Variants in HIBADH observed in about 807,000 individuals in gnomAD.
The protein encoded by HIBADH is 3-hydroxyisobutyrate dehydrogenase, mitochondrial.
In HIBADH, 25 loss-of-function variants were observed where a neutral mutation model predicts 36.1. The observed-to-expected ratio is 0.69, with a 90% CI of 0.50 to 0.97. The LOEUF is 0.97. HIBADH is among the 50% of genes least tolerant of loss of function. HIBADH has a pLI of 0.00. For synonymous variants in HIBADH, 160 were observed against 149.5 expected (o/e 1.07, Z -0.51); for missense variants, 421 against 418.0 (o/e 1.01, Z -0.06).
At chr7:27,549,437 T>A (rs190842588) in intron 4 of HIBADH, among the ~76,000 whole-genome samples, 326 of 152,246 alleles carry the variant, frequency 2.1e-3, no homozygotes, top group African/African-American at 7.5e-3. Flanking sequence ...ACAAAATCAG[T>A]ATTAAGAATA....
chr7:27,629,588 A>G (rs1011758885), intron 3 of HIBADH, 96 bp from the exon 4 acceptor site: 11 of 780,104 alleles, frequency 1.4e-5, no homozygotes, highest in African/African-American at 7.2e-5. Context: ...AAGCTGCCAT[A>G]TATCAAGGAG....
At chr7:27,614,594 A>G (rs1477461456) in intron 4 of HIBADH, among the ~76,000 whole-genome samples, 1 of 152,232 alleles carries the variant, frequency 6.6e-6, no homozygotes, top group African/African-American at 2.4e-5. Context: ...AAACATAAGC[A>G]TAACACAGTT....
At chr7:27,613,125 TA>T (rs1301694226) in intron 4 of HIBADH, among the ~76,000 whole-genome samples, 1 of 122,192 alleles carries the variant, frequency 8.2e-6, no homozygotes, top group Non-Finnish European at 1.7e-5. Context: ...TAAATATATT[TA>T]TATATATTTA....
At chr7:27,581,661 T>C (rs1784791203) in intron 4 of HIBADH, among the ~76,000 whole-genome samples, 1 of 152,182 alleles carries the variant, frequency 6.6e-6, no homozygotes, top group African/African-American at 2.4e-5. Context: ...CTAATTAACA[T>C]ATCCATCACC....
chr7:27,549,939 C>T (rs1290412763), intron 4 of HIBADH, among the ~76,000 whole-genome samples: 2 of 152,240 alleles, frequency 1.3e-5, no homozygotes, highest in South Asian at 4.1e-4. Flanking sequence ...GATGGAGTCT[C>T]GCTCAGTCGC....
At chr7:27,637,633 GA>G (rs1454090710) in intron 2 of HIBADH, among the ~76,000 whole-genome samples, 1 of 152,134 alleles carries the variant, frequency 6.6e-6, no homozygotes, top group Non-Finnish European at 1.5e-5. Context: ...ATTCAAATAT[GA>G]AGAGAGGAAG....
At chr7:27,641,816 T>TC (rs1328151332) in intron 2 of HIBADH, among the ~76,000 whole-genome samples, 1 of 151,008 alleles carries the variant, frequency 6.6e-6, no homozygotes, top group Non-Finnish European at 1.5e-5. Flanking sequence ...CAAAGCTTTT[T>TC]CACCCTTTAC....
intron 1 of HIBADH, among the ~76,000 whole-genome samples, chr7:27,653,870 G>A (rs1435553783): frequency 6.6e-6 from 1 of 152,198 alleles, no homozygotes; most frequent in African/African-American, 2.4e-5. Flanking sequence ...AGATGAGTAT[G>A]AAGAGGCTGA....
chr7:27,549,868 C>G (rs1784292597), intron 4 of HIBADH, among the ~76,000 whole-genome samples: 1 of 152,040 alleles, frequency 6.6e-6, no homozygotes, highest in Non-Finnish European at 1.5e-5. Context: ...TGAAAATAAC[C>G]AGTAACTGAA....
intron 4 of HIBADH, among the ~76,000 whole-genome samples, chr7:27,588,619 C>T (rs1784897719): frequency 6.6e-6 from 1 of 152,194 alleles, no homozygotes; most frequent in South Asian, 2.1e-4. Context: ...GGATGAGCCA[C>T]CACACCTGGC....
chr7:27,537,438 A>T (rs74728281), intron 6 of HIBADH, among the ~76,000 whole-genome samples: 1 of 152,088 alleles, frequency 6.6e-6, no homozygotes, highest in Non-Finnish European at 1.5e-5. Context: ...TCTTTTTATT[A>T]CTTTTATCAA....
Position 27,526,332 on chromosome 7 carries a change from C to A in HIBADH, c.893G>T (p.Ser298Ile), listed in dbSNP as rs769273771. The stretch of plus-strand genomic sequence containing the variant: ...GGCCAGACTGCCAAGAAGGATTGGG[C>A]TCTTTGTGCTGGTAGCAGAGTCTTG... Reference protein sequence around the residue: ...LAQDSATSTKSPILLGSLAHQ... With the variant: ...LAQDSATSTKIPILLGSLAHQ... Residue 298 changes from serine to isoleucine, a missense_variant, in exon 8 of 8, where the codon AGC becomes ATC. Physicochemically the swap from Ser to Ile is moderately radical, Grantham distance 142. Transcript: ENST00000265395. 1.9e-6 allele frequency: 3 copies of A among 1,613,216 alleles called. No individual in the cohort carries two copies. Among genetic ancestry groups the A allele is most frequent in the Non-Finnish European group, 2.5e-6 (3 of 1,179,652 alleles).
intron 1 of HIBADH, among the ~76,000 whole-genome samples, chr7:27,656,420 C>T (rs1005962458): frequency 1.3e-5 from 2 of 151,872 alleles, no homozygotes; most frequent in African/African-American, 4.8e-5. Context: ...TTGTAGGACA[C>T]TTGATAATTC....
At chr7:27,591,360 G>A (rs945824365) in intron 4 of HIBADH, among the ~76,000 whole-genome samples, 9 of 152,052 alleles carry the variant, frequency 5.9e-5, no homozygotes, top group Non-Finnish European at 8.8e-5. Context: ...GACCATCCTG[G>A]CTAACACAGT....
At chr7:27,656,384 G>A (rs1459648456) in intron 1 of HIBADH, among the ~76,000 whole-genome samples, 1 of 151,986 alleles carries the variant, frequency 6.6e-6, no homozygotes, top group Non-Finnish European at 1.5e-5. Flanking sequence ...TATTAATAGG[G>A]CACTTAATTC....
intron 1 of HIBADH, among the ~76,000 whole-genome samples, chr7:27,661,044 G>T (rs898722184): frequency 6.6e-6 from 1 of 152,214 alleles, no homozygotes; most frequent in Non-Finnish European, 1.5e-5. Flanking sequence ...TGTGAAAACT[G>T]GTGCTACTGT....
chr7:27,627,130 G>C (rs1002998496), intron 4 of HIBADH, among the ~76,000 whole-genome samples: 53 of 152,182 alleles, frequency 3.5e-4, no homozygotes, highest in Admixed American at 6.5e-4. Flanking sequence ...AGGGTCATGC[G>C]GCATGCTGAC....
chr7:27,537,898 TG>T (rs1318084644), intron 6 of HIBADH, among the ~76,000 whole-genome samples: 1 of 152,026 alleles, frequency 6.6e-6, no homozygotes, highest in Non-Finnish European at 1.5e-5. Context: ...AGTGCAGATT[TG>T]GGGGACTATA....
chr7:27,551,091 T>C (rs1270305799), intron 4 of HIBADH, among the ~76,000 whole-genome samples: 1 of 152,194 alleles, frequency 6.6e-6, no homozygotes, highest in Non-Finnish European at 1.5e-5. Context: ...TTATAACATG[T>C]ACACAATATA....
Sources: gnomAD v4.1 joint callset for allele counts (sites outside exome capture counted in the v4.1 genomes callset) on GRCh38, gnomAD v4.1.1 for gene constraint, MANE v1.5 for transcripts, NCBI Gene and HGNC (gene_info 2026-07-23, HGNC 2026-07-21) for gene names.